Variants in BRAF observed in about 807,000 individuals in gnomAD.
The protein encoded by BRAF is serine/threonine-protein kinase B-raf.
BRAF carries 16 observed loss-of-function variants against 104.6 expected under a neutral mutation model. That is an observed-to-expected ratio of 0.15 (90% confidence interval 0.10 to 0.23). BRAF has a LOEUF of 0.23. Among genes scored for constraint, BRAF ranks in the 10% least tolerant of loss-of-function variants. BRAF has a pLI of 1.00. For synonymous variants in BRAF, 310 were observed against 341.6 expected, an observed-to-expected ratio of 0.91 and a Z score of 1.02; for missense variants, 541 against 937.3, an observed-to-expected ratio of 0.58 and a Z score of 5.52.
At chr7:140,787,217 C>T (rs71645964) in intron 9 of BRAF, among the ~76,000 whole-genome samples, 31 of 144,874 alleles carry the variant, frequency 2.1e-4, no homozygotes, top group Non-Finnish European at 3.1e-4. Flanking sequence ...AGGAGAATGG[C>T]GTGAACCCGG....
At chr7:140,899,324 A>C (rs933467263) in intron 1 of BRAF, among the ~76,000 whole-genome samples, 2 of 152,036 alleles carry the variant, frequency 1.3e-5, no homozygotes, top group South Asian at 2.1e-4. Flanking sequence ...AGCTGGGTTT[A>C]ACAAGCCCTC....
intron 1 of BRAF, among the ~76,000 whole-genome samples, chr7:140,916,748 C>T (rs77252603): frequency 0.029 from 4,342 of 152,258 alleles, 211 homozygotes; most frequent in African/African-American, 0.097. Flanking sequence ...TAACTATATA[C>T]TGAAGTCTTA....
intron 3 of BRAF, among the ~76,000 whole-genome samples, chr7:140,813,228 G>A (rs1804471463): frequency 6.6e-6 from 1 of 152,028 alleles, no homozygotes; most frequent in Admixed American, 6.5e-5. Flanking sequence ...AAGAGAAAAA[G>A]GGAAAAATAT....
chr7:140,883,049 A>C (rs1324760012), intron 1 of BRAF, among the ~76,000 whole-genome samples: 1 of 151,742 alleles, frequency 6.6e-6, no homozygotes, highest in Admixed American at 6.6e-5. Flanking sequence ...TAAATAAATA[A>C]AGGACCTATC....
At chr7:140,760,616 A>C (rs538750395) in intron 14 of BRAF, among the ~76,000 whole-genome samples, 11 of 152,192 alleles carry the variant, frequency 7.2e-5, no homozygotes, top group Middle Eastern at 3.4e-3. Context: ...GAGGGACCCC[A>C]AAAGTTTTTT....
At chr7:140,888,093 T>C (rs746143608) in intron 1 of BRAF, among the ~76,000 whole-genome samples, 2 of 152,300 alleles carry the variant, frequency 1.3e-5, no homozygotes. Flanking sequence ...CAGGATGGTC[T>C]TGATCTCCTG....
intron 1 of BRAF, among the ~76,000 whole-genome samples, chr7:140,894,290 A>ACT: frequency 6.6e-6 from 1 of 152,344 alleles, no homozygotes; most frequent in Non-Finnish European, 1.5e-5. Flanking sequence ...AAAAAACAGA[A>ACT]CTACTTGATA....
chr7:140,917,493 G>A (rs189415387), intron 1 of BRAF, among the ~76,000 whole-genome samples: 13 of 152,332 alleles, frequency 8.5e-5, no homozygotes, highest in Admixed American at 2.0e-4. Flanking sequence ...AGCTGGGCTT[G>A]GTGCATGCCT....
At chr7:140,850,372 T>C (rs999713588) in intron 1 of BRAF, among the ~76,000 whole-genome samples, 160 bp from the exon 2 acceptor site, 16 of 152,178 alleles carry the variant, frequency 1.1e-4, no homozygotes, top group African/African-American at 3.4e-4. Context: ...TTATGAAACA[T>C]CTTTAAATTT....
intron 1 of BRAF, among the ~76,000 whole-genome samples, chr7:140,921,652 T>C (rs887447548): frequency 6.6e-6 from 1 of 152,124 alleles, no homozygotes; most frequent in Non-Finnish European, 1.5e-5. Flanking sequence ...TACACCAAAA[T>C]GTCTATAGTA....
chr7:140,923,400 A>G (rs1257389053), intron 1 of BRAF, among the ~76,000 whole-genome samples: 2 of 152,208 alleles, frequency 1.3e-5, no homozygotes, highest in African/African-American at 4.8e-5. Flanking sequence ...AAATATTTGT[A>G]ATAAATTTTA....
chr7:140,853,141 G>A (rs140842650), intron 1 of BRAF, among the ~76,000 whole-genome samples: 3 of 151,888 alleles, frequency 2.0e-5, no homozygotes, highest in Admixed American at 1.3e-4. Flanking sequence ...ATGCATGGTG[G>A]CTCACGCCTG....
chr7:140,919,888 G>C (rs1818034227), intron 1 of BRAF, among the ~76,000 whole-genome samples: 1 of 151,838 alleles, frequency 6.6e-6, no homozygotes, highest in Non-Finnish European at 1.5e-5. Context: ...CTGTTGCCAG[G>C]CTAGAGTGCA....
chr7:140,729,133 G>T (rs1795786929), intron 19 of BRAF, among the ~76,000 whole-genome samples: 1 of 151,882 alleles, frequency 6.6e-6, no homozygotes, highest in Admixed American at 6.6e-5. Flanking sequence ...CCTAGAGGAG[G>T]CTGAAGTGGG....
chr7:140,834,588 G>A, intron 3 of BRAF, 21 bp downstream of exon 3: 1 of 1,613,628 alleles, frequency 6.2e-7, no homozygotes, highest in Non-Finnish European at 8.5e-7. Flanking sequence ...CAGCAAAATG[G>A]TGATATTAAA....
chr7:140,713,399 G>A, the BRAF span, among the ~76,000 whole-genome samples: 12 of 151,806 alleles, frequency 7.9e-5, no homozygotes, highest in African/African-American at 9.7e-5. Flanking sequence ...CTAGTTGATC[G>A]AATCGGCTAC....
chr7:140,864,166 A>G (rs1324532642), intron 1 of BRAF, among the ~76,000 whole-genome samples: 1 of 152,158 alleles, frequency 6.6e-6, no homozygotes, highest in Non-Finnish European at 1.5e-5. Context: ...AAGCAACCAT[A>G]GTTAAGCAAG....
In BRAF at chr7:140,757,277, CT is replaced by C. The variant is rs1554394432; in HGVS notation, c.1815-3045del. Among the ~76,000 whole-genome samples, 3 of 152,060 alleles carry C rather than the reference CT, an allele frequency of 2.0e-5. No homozygotes were observed. In the East Asian group the frequency reaches 5.8e-4, roughly 29 times the overall value. On this transcript the variant is annotated intron_variant, in intron 14 of 19. Coordinates refer to ENST00000644969, the MANE Select transcript of BRAF (RefSeq NM_001374258.1). ...CCCCATCTTATACTTGTATATTTCT[CT>C]TTTTTTGGACTTGACTAGGATTTTT... is the stretch of plus-strand genomic sequence containing the variant.
At position 140,787,300 on chromosome 7, in the gene BRAF, C is replaced by CAA. The variant is rs1199383417; in HGVS notation, c.1177+246_1177+247dup. ...TGGGCGACAGAGCGAGACTCCGTCT[C>CAA]AAAAAAAAAAAAAAAAAAAAAAAAG... On this transcript the variant is annotated intron_variant, in intron 9 of 19. Coordinates refer to ENST00000644969, the MANE Select transcript of BRAF (RefSeq NM_001374258.1). 0.013 allele frequency among the ~76,000 whole-genome samples: 703 copies of CAA among 53,824 alleles called. 20 individuals carry two copies. Among genetic ancestry groups the CAA allele is most frequent in the East Asian group, 0.023 (32 of 1,366 alleles). 35.3% of individuals were successfully genotyped at this position (53,824 alleles called of 152,430 possible).
Sources: allele counts gnomAD v4.1 joint callset (sites outside exome capture counted in the v4.1 genomes callset), GRCh38; gene constraint gnomAD v4.1.1; transcripts MANE v1.5; gene names NCBI Gene and HGNC (gene_info 2026-07-23, HGNC 2026-07-21).